Variants in ARHGAP6 observed in about 807,000 individuals in gnomAD.
The protein encoded by ARHGAP6 is Rho GTPase activating protein 6, also known as rho GTPase-activating protein 6.
In ARHGAP6, 16 loss-of-function variants were observed where a neutral mutation model predicts 55.7. The ratio of observed to expected loss-of-function variants is 0.29; its 90% confidence interval spans 0.19 to 0.44. ARHGAP6 has a LOEUF of 0.44. Ranked by LOEUF, ARHGAP6 falls within the 20% of genes least tolerant of loss-of-function variation. The pLI is 1.00. For missense variants in ARHGAP6, 698 were observed against 808.9 expected, an observed-to-expected ratio of 0.86 and a Z score of 1.66; for synonymous variants, 382 against 360.9, an observed-to-expected ratio of 1.06 and a Z score of -0.66.
intron 8 of ARHGAP6, among the ~76,000 whole-genome samples, chrX:11,174,559 TTCCTTCCTTCCTTCC>T (rs1569241032): frequency 3.5e-5 from 3 of 85,694 alleles, no homozygotes; most frequent in African/African-American, 1.3e-4. Context: ...CCTTCCTTCC[TTCCTTCCTTCCTTCC>T]TTTCTTTCTT....
intron 1 of ARHGAP6, among the ~76,000 whole-genome samples, chrX:11,409,196 C>T (rs948847036): frequency 8.9e-6 from 1 of 111,932 alleles, no homozygotes; most frequent in South Asian, 3.7e-4. Context: ...TAGTGTTTTC[C>T]GTATGTTAAT....
chrX:11,431,611 C>G (rs2147789069), intron 1 of ARHGAP6, among the ~76,000 whole-genome samples: 1 of 111,873 alleles, frequency 8.9e-6, no homozygotes, highest in East Asian at 2.8e-4. Flanking sequence ...ATGAGACCCT[C>G]TAAGATGGGG....
intron 2 of ARHGAP6, among the ~76,000 whole-genome samples, chrX:11,210,171 C>T (rs916501556): frequency 1.8e-5 from 2 of 112,359 alleles, no homozygotes; most frequent in African/African-American, 3.2e-5. Context: ...AGAGGCAGGC[C>T]GATAAACGGG....
intron 2 of ARHGAP6, among the ~76,000 whole-genome samples, chrX:11,249,977 TTTC>T (rs2047402163): frequency 8.9e-6 from 1 of 112,086 alleles, no homozygotes; most frequent in African/African-American, 3.2e-5. Context: ...AATTTATTAT[TTTC>T]TTAATGATGA....
intron 2 of ARHGAP6, among the ~76,000 whole-genome samples, chrX:11,209,904 G>A (rs1194483329): frequency 8.9e-6 from 1 of 112,025 alleles, no homozygotes; most frequent in Non-Finnish European, 1.9e-5. Context: ...GAATGAGCAG[G>A]AAACCAGTTG....
intron 1 of ARHGAP6, among the ~76,000 whole-genome samples, chrX:11,338,392 T>C (rs911479139): frequency 1.8e-5 from 2 of 111,647 alleles, no homozygotes; most frequent in African/African-American, 6.5e-5. Context: ...CTGGCAAACT[T>C]AAAATACTAT....
chrX:11,234,939 C>G (rs184355465), intron 2 of ARHGAP6, among the ~76,000 whole-genome samples: 1 of 112,518 alleles, frequency 8.9e-6, no homozygotes, highest in Admixed American at 9.3e-5. Context: ...GTGAAAGAAG[C>G]CAATCTGAAG....
chrX:11,552,784 T>C (rs1276689047), intron 1 of ARHGAP6, among the ~76,000 whole-genome samples: 2 of 105,867 alleles, frequency 1.9e-5, no homozygotes, highest in South Asian at 4.3e-4. Context: ...GGCAAACTCA[T>C]AGAAGCAGAG....
intron 9 of ARHGAP6, among the ~76,000 whole-genome samples, chrX:11,166,400 T>A (rs922764910): frequency 2.7e-5 from 3 of 112,126 alleles, no homozygotes; most frequent in South Asian, 7.5e-4. Flanking sequence ...TCCGAGCTCT[T>A]AAACCCAAGG....
At chrX:11,627,018 A>G (rs2052306622) in intron 1 of ARHGAP6, among the ~76,000 whole-genome samples, 2 of 111,750 alleles carry the variant, frequency 1.8e-5, no homozygotes, top group African/African-American at 6.5e-5. Flanking sequence ...TGCCCTTGCT[A>G]TATCAGAGTA....
chrX:11,185,142 C>CTG (rs3990773), intron 5 of ARHGAP6, among the ~76,000 whole-genome samples: 4,063 of 95,903 alleles, frequency 0.042, 78 homozygotes, highest in East Asian at 0.056. Context: ...TGGTGCATGA[C>CTG]TGTGTGTGTG....
At chrX:11,514,354 G>A (rs2050815118) in intron 1 of ARHGAP6, among the ~76,000 whole-genome samples, 1 of 109,803 alleles carries the variant, frequency 9.1e-6, no homozygotes, top group African/African-American at 3.3e-5. Context: ...ACAGCAATTA[G>A]CCTATAGCAG....
chrX:11,552,490 C>T (rs1465451573), intron 1 of ARHGAP6, among the ~76,000 whole-genome samples: 1 of 92,122 alleles, frequency 1.1e-5, no homozygotes, highest in African/African-American at 4.0e-5. Flanking sequence ...GTAGTATTCA[C>T]GAGAGCCAAG....
At chrX:11,653,195 A>T (rs2052605477) in intron 1 of ARHGAP6, among the ~76,000 whole-genome samples, 1 of 112,265 alleles carries the variant, frequency 8.9e-6, no homozygotes, top group Admixed American at 9.4e-5. Flanking sequence ...ATATTCTACT[A>T]AAAAGTGTCT....
At chrX:11,543,369 C>T (rs1014537281) in intron 1 of ARHGAP6, among the ~76,000 whole-genome samples, 2 of 112,411 alleles carry the variant, frequency 1.8e-5, no homozygotes, top group Non-Finnish European at 3.8e-5. Context: ...CAATTTTGCC[C>T]AACAGGGGAC....
chrX:11,466,177 C>T (rs953556122), intron 1 of ARHGAP6, among the ~76,000 whole-genome samples: 12 of 111,716 alleles, frequency 1.1e-4, no homozygotes, highest in Non-Finnish European at 2.1e-4. Context: ...TTTCCTTTCA[C>T]TCCTGACTCC....
chrX:11,591,055 G>T (rs1443119826), intron 1 of ARHGAP6, among the ~76,000 whole-genome samples: 1 of 108,562 alleles, frequency 9.2e-6, no homozygotes, highest in Non-Finnish European at 1.9e-5. Context: ...AGCCGGGCGT[G>T]GTGGCGGGCG....
intron 1 of ARHGAP6, among the ~76,000 whole-genome samples, chrX:11,500,580 G>C (rs1217507016): frequency 9.8e-6 from 1 of 102,201 alleles, no homozygotes; most frequent in Non-Finnish European, 2.0e-5. Context: ...AGAATTGCTT[G>C]AACCTAGGAG....
rs1171647934 is a variant in ARHGAP6, at chrX:11,372,771, CAAAAAA to C, written c.589-118070_589-118065del. ...TGGGTGACAGAGCGAGACTCCATCT[CAAAAAA>C]AAAAAAAAAAAAAAAAAAAGAAAAG... is the stretch of plus-strand genomic sequence containing the variant. On this transcript the variant is annotated intron_variant, in intron 1 of 12. Transcript: ENST00000337414. Among the ~76,000 whole-genome samples the C allele has an allele frequency of 9.1e-4, 13 of 14,351 alleles. No individual in the cohort carries two copies. The South Asian group carries it at 0.02, about 23-fold the overall frequency. The allele number at this position is 14,351 out of a possible 115,157, so 12.5% of individuals were successfully genotyped here.
Sources: gnomAD v4.1 joint callset for allele counts (sites outside exome capture counted in the v4.1 genomes callset) on GRCh38, gnomAD v4.1.1 for gene constraint, MANE v1.5 for transcripts, NCBI Gene and HGNC (gene_info 2026-07-23, HGNC 2026-07-21) for gene names.